The following SMYD3 variants were observed in gnomAD, a reference collection of about 807,000 sequenced individuals.
SMYD3 encodes histone-lysine N-methyltransferase SMYD3.
SMYD3 carries 36 observed loss-of-function variants against 57.7 expected under a neutral mutation model. The observed-to-expected ratio is 0.62, with a 90% CI of 0.48 to 0.82. The LOEUF (loss-of-function observed/expected upper bound fraction) is 0.82, where lower values mean the gene tolerates loss of function less well. Among genes scored for constraint, SMYD3 ranks in the 40% least tolerant of loss-of-function variants. The probability of loss-of-function intolerance (pLI) is 0.00; values close to 1 mark genes in which losing one functional copy is unlikely to be tolerated. For missense variants in SMYD3, 515 were observed against 538.8 expected, an observed-to-expected ratio of 0.96 and a Z score of 0.44; for synonymous variants, 211 against 195.0, an observed-to-expected ratio of 1.08 and a Z score of -0.68.
chr1:245,776,847 C>A (rs2046626300), intron 10 of SMYD3, among the ~76,000 whole-genome samples: 2 of 152,224 alleles, frequency 1.3e-5, no homozygotes, highest in Admixed American at 1.3e-4. Flanking sequence ...AAGCCAAATC[C>A]CATGAGCAAC....
intron 1 of SMYD3, among the ~76,000 whole-genome samples, chr1:246,499,968 C>T (rs2068432376): frequency 6.6e-6 from 1 of 152,146 alleles, no homozygotes; most frequent in African/African-American, 2.4e-5. Flanking sequence ...CACCAGCTGC[C>T]TTAAATGCCA....
At chr1:246,476,510 T>G (rs1016458501) in intron 1 of SMYD3, among the ~76,000 whole-genome samples, 1 of 152,200 alleles carries the variant, frequency 6.6e-6, no homozygotes, top group Non-Finnish European at 1.5e-5. Flanking sequence ...AGACTGTATT[T>G]TAAGTAACAA....
intron 5 of SMYD3, among the ~76,000 whole-genome samples, chr1:246,238,755 A>G (rs191442203): frequency 6.6e-6 from 1 of 152,276 alleles, no homozygotes; most frequent in Admixed American, 6.5e-5. Context: ...ATATTATTTC[A>G]TATAAGAAGC....
chr1:246,151,246 A>C (rs1484680134), intron 5 of SMYD3, among the ~76,000 whole-genome samples: 1 of 74,638 alleles, frequency 1.3e-5, no homozygotes, highest in Non-Finnish European at 2.2e-5. Context: ...ACTCTGTCTC[A>C]AAAAAAAAAA....
intron 5 of SMYD3, among the ~76,000 whole-genome samples, chr1:246,258,788 T>A (rs1558356270): frequency 6.6e-6 from 1 of 151,804 alleles, no homozygotes; most frequent in Non-Finnish European, 1.5e-5. Flanking sequence ...AGGGAAATTT[T>A]CTTTAATTCC....
chr1:245,771,367 A>G (rs2046330090), intron 10 of SMYD3, among the ~76,000 whole-genome samples: 1 of 152,208 alleles, frequency 6.6e-6, no homozygotes, highest in African/African-American at 2.4e-5. Context: ...ATTTTTGTGT[A>G]CATTTGAAAA....
chr1:246,404,276 G>A (rs1232158148), intron 1 of SMYD3, among the ~76,000 whole-genome samples: 2 of 152,222 alleles, frequency 1.3e-5, no homozygotes, highest in African/African-American at 2.4e-5. Context: ...GATCCCATCT[G>A]TGCTGACTTC....
At position 246,114,038 on chromosome 1, in the gene SMYD3, T is replaced by C. The variant is rs565033830; in HGVS notation, c.532-184101A>G. On this transcript the variant is annotated intron_variant, in intron 5 of 11. Coordinates refer to ENST00000490107, the MANE Select transcript of SMYD3 (RefSeq NM_001167740.2). ...GATATTTCTTGGGGAGGCTGTGCAG[T>C]TTTTCATAGTGAAGCCTACAACTTA... 5.3e-5 allele frequency among the ~76,000 whole-genome samples: 8 copies of C among 152,202 alleles called. No individual in the cohort carries two copies. The South Asian group carries it at 1.5e-3, about 28-fold the overall frequency.
At chr1:246,417,409 C>A (rs1269049471) in intron 1 of SMYD3, 1 of 152,154 alleles carries the variant, frequency 6.6e-6, no homozygotes, top group African/African-American at 2.4e-5. Context: ...CTCAAATCCA[C>A]CTCCTCGAAA....
At chr1:246,393,674 T>TAAAA (rs796510890) in intron 1 of SMYD3, among the ~76,000 whole-genome samples, 30 of 92,384 alleles carry the variant, frequency 3.2e-4, no homozygotes, top group South Asian at 2.1e-3. Context: ...CCCCCATCTC[T>TAAAA]AAAAAAAAAA....
At chr1:245,845,021 C>T (rs1030368246) in intron 10 of SMYD3, among the ~76,000 whole-genome samples, 4 of 152,216 alleles carry the variant, frequency 2.6e-5, no homozygotes, top group Admixed American at 6.5e-5. Flanking sequence ...CCGTGTACCC[C>T]TACTCACTTT....
intron 5 of SMYD3, among the ~76,000 whole-genome samples, chr1:246,172,550 A>G (rs1197456864): frequency 2.2e-5 from 3 of 138,820 alleles, no homozygotes; most frequent in South Asian, 2.5e-4. Context: ...AACACTGCAC[A>G]CTTAGGCTAC....
At chr1:246,243,115 T>A (rs565767437) in intron 5 of SMYD3, among the ~76,000 whole-genome samples, 1 of 152,112 alleles carries the variant, frequency 6.6e-6, no homozygotes, top group Non-Finnish European at 1.5e-5. Context: ...AATAGACATC[T>A]ACAGAACTCT....
intron 6 of SMYD3, 143 bp downstream of exon 6, chr1:245,929,726 AT>A: frequency 4.6e-6 from 3 of 646,104 alleles, no homozygotes; most frequent in East Asian, 5.5e-5. Context: ...AACATTTTCC[AT>A]TTTTTTGTAA....
intron 5 of SMYD3, among the ~76,000 whole-genome samples, chr1:246,154,047 T>C (rs1232481465): frequency 6.6e-6 from 1 of 152,180 alleles, no homozygotes; most frequent in African/African-American, 2.4e-5. Context: ...AGTCACTCCC[T>C]CTTCTACATT....
intron 1 of SMYD3, among the ~76,000 whole-genome samples, chr1:246,444,283 G>A (rs149673271): frequency 2.8e-4 from 43 of 152,118 alleles, no homozygotes; most frequent in African/African-American, 7.5e-4. Flanking sequence ...GTGCCACCAC[G>A]CCTGGCTAAT....
chr1:245,973,730 A>G (rs1283096464), intron 5 of SMYD3, among the ~76,000 whole-genome samples: 1 of 152,238 alleles, frequency 6.6e-6, no homozygotes, highest in African/African-American at 2.4e-5. Context: ...TGTCCCAGTT[A>G]GCCATGGCTA....
At chr1:246,372,451 A>G (rs2066208695) in intron 1 of SMYD3, among the ~76,000 whole-genome samples, 1 of 152,272 alleles carries the variant, frequency 6.6e-6, no homozygotes, top group Middle Eastern at 3.2e-3. Flanking sequence ...CTAAAAGGCT[A>G]TGACTACAAG....
chr1:246,258,848 G>A lies in SMYD3; in HGVS notation c.531+68353C>T, dbSNP rs114482386. Among the ~76,000 whole-genome samples the A allele has an allele frequency of 5.9e-3, 891 of 152,006 alleles. 12 individuals are homozygous for A. The highest frequency in any genetic ancestry group is 0.02 in the African/African-American group (820 of 41,468). The stretch of plus-strand genomic sequence containing the variant: ...ATTTTTTTCCTTCTCTCTCAGTAAT[G>A]CCAATAATTTGTAGTTTTGGTCACT... On this transcript the variant is annotated intron_variant, in intron 5 of 11. Transcript: ENST00000490107.
Sources: allele counts gnomAD v4.1 joint callset (sites outside exome capture counted in the v4.1 genomes callset), GRCh38; gene constraint gnomAD v4.1.1; transcripts MANE v1.5; gene names NCBI Gene and HGNC (gene_info 2026-07-23, HGNC 2026-07-21).